The following RHPN2 variants were observed in gnomAD, a reference collection of about 807,000 sequenced individuals.
The protein encoded by RHPN2 is rhophilin Rho GTPase binding protein 2.
In RHPN2, 40 loss-of-function variants were observed where a neutral mutation model predicts 79.0. The observed-to-expected ratio is 0.51, with a 90% CI of 0.39 to 0.66. RHPN2 has a LOEUF of 0.66. Ranked by LOEUF, RHPN2 falls within the 30% of genes least tolerant of loss-of-function variation. The probability of loss-of-function intolerance (pLI) is 0.00; values close to 1 mark genes in which losing one functional copy is unlikely to be tolerated. For missense variants in RHPN2, 686 were observed against 883.5 expected, an observed-to-expected ratio of 0.78 and a Z score of 2.83; for synonymous variants, 285 against 363.5, an observed-to-expected ratio of 0.78 and a Z score of 2.46.
chr19:33,034,618 A>AAAAC (rs1306272766), intron 2 of RHPN2, among the ~76,000 whole-genome samples: 12 of 150,030 alleles, frequency 8.0e-5, no homozygotes, highest in South Asian at 2.1e-4. Flanking sequence ...AAAAAAAAAA[A>AAAAC]AAAAATACAA....
intron 2 of RHPN2, among the ~76,000 whole-genome samples, chr19:33,036,212 G>T (rs1261403127): frequency 1.3e-5 from 2 of 149,480 alleles, no homozygotes; most frequent in African/African-American, 4.9e-5. Flanking sequence ...TTGGTGACGG[G>T]AGTCTTGCTG....
At chr19:33,005,154 C>T (rs573160751) in intron 7 of RHPN2, among the ~76,000 whole-genome samples, 1 of 151,874 alleles carries the variant, frequency 6.6e-6, no homozygotes, top group Admixed American at 6.6e-5. Context: ...TGGCTCATGC[C>T]TCTAATCCCA....
At chr19:33,056,693 C>G (rs951891754) in intron 1 of RHPN2, among the ~76,000 whole-genome samples, 1 of 152,024 alleles carries the variant, frequency 6.6e-6, no homozygotes, top group Non-Finnish European at 1.5e-5. Flanking sequence ...AGAGCTGTAC[C>G]TCTGTTTAAA....
chr19:33,033,807 C>CG (rs1972031690), intron 2 of RHPN2, among the ~76,000 whole-genome samples: 1 of 151,726 alleles, frequency 6.6e-6, no homozygotes, highest in Admixed American at 6.6e-5. Flanking sequence ...GCACAGGTTG[C>CG]GGTGAGCCGA....
intron 14 of RHPN2, among the ~76,000 whole-genome samples, chr19:32,982,863 G>A (rs1448443207): frequency 9.2e-5 from 14 of 151,930 alleles, no homozygotes; most frequent in African/African-American, 1.9e-4. Flanking sequence ...ACTTCTGTGT[G>A]TCCCTAGTAA....
chr19:33,013,241 C>A (rs1971851448), intron 4 of RHPN2, among the ~76,000 whole-genome samples: 1 of 151,004 alleles, frequency 6.6e-6, no homozygotes. Flanking sequence ...GTTGCCCAGG[C>A]TAGAGTGCAA....
At chr19:33,044,402 C>A (rs770718676) in intron 1 of RHPN2, 38 bp from the exon 2 acceptor site, 1 of 1,386,986 alleles carries the variant, frequency 7.2e-7, no homozygotes, top group South Asian at 1.2e-5. Flanking sequence ...AGAGGTCGGC[C>A]ACTCTAAAAA....
At chr19:33,051,978 G>A (rs1459940716) in intron 1 of RHPN2, among the ~76,000 whole-genome samples, 3 of 139,834 alleles carry the variant, frequency 2.1e-5, no homozygotes, top group Admixed American at 7.3e-5. Flanking sequence ...GTGACAGAGT[G>A]AGACCCTGTC....
intron 2 of RHPN2, among the ~76,000 whole-genome samples, chr19:33,028,447 G>A (rs1971984878): frequency 6.6e-6 from 1 of 152,172 alleles, no homozygotes; most frequent in South Asian, 2.1e-4. Context: ...ATGAGCCACT[G>A]TGCCTGGCCA....
At position 33,002,723 on chromosome 19, in the gene RHPN2, G is replaced by A; in HGVS notation, c.948+90C>T. 6.4e-6 allele frequency: 9 copies of A among 1,401,306 alleles called. No individual in the cohort carries two copies. In the South Asian group the frequency reaches 1.1e-4, roughly 16 times the overall value. The allele number at this position is 1,401,306 out of a possible 1,614,324, so 86.8% of individuals were successfully genotyped here. A position where few individuals can be genotyped will look rare whatever the true frequency, so the allele number is the denominator to read the frequency against. On this transcript the variant is annotated intron_variant, in intron 8 of 14. Transcript: ENST00000254260. ...GGCACAATGCCCAGGTCACAGGCAA[G>A]CTCCCATGGGAAGGCCCCGCTACTT...
At chr19:33,059,105 AAT>A (rs1972258248) in intron 1 of RHPN2, among the ~76,000 whole-genome samples, 1 of 148,476 alleles carries the variant, frequency 6.7e-6, no homozygotes, top group Non-Finnish European at 1.5e-5. Context: ...AAAAAAAAAT[AAT>A]AATAATACAA....
At chr19:33,020,407 C>T (rs1971913676) in intron 4 of RHPN2, among the ~76,000 whole-genome samples, 1 of 150,650 alleles carries the variant, frequency 6.6e-6, no homozygotes, top group Non-Finnish European at 1.5e-5. Context: ...CTCACTGCAT[C>T]CTCTGCCTCC....
rs567061765 is a variant in RHPN2 at position 33,009,320 on chromosome 19, G to A, written c.594-1140C>T. Among the ~76,000 whole-genome samples, 12 of 152,280 alleles carry A rather than the reference G, an allele frequency of 7.9e-5. No homozygotes were observed. In the South Asian group the frequency reaches 2.5e-3, roughly 32 times the overall value. Reference sequence around the variant, plus strand: ...AAAAAAAAAAAATGGGCTGGGAGCGGTGGCTCATGCCAGTAATCCCAGCAC... The same window carrying A: ...AAAAAAAAAAAATGGGCTGGGAGCGATGGCTCATGCCAGTAATCCCAGCAC... On this transcript the variant is annotated intron_variant, in intron 6 of 14. Coordinates refer to ENST00000254260, the MANE Select transcript of RHPN2 (RefSeq NM_033103.5).
intron 1 of RHPN2, among the ~76,000 whole-genome samples, chr19:33,054,197 G>GTTT (rs34820019): frequency 1.8e-5 from 2 of 112,204 alleles, no homozygotes; most frequent in Admixed American, 1.0e-4. Context: ...TTTCTTCTTT[G>GTTT]TTTTTTTTTT....
At chr19:33,048,798 A>G (rs978013583) in intron 1 of RHPN2, among the ~76,000 whole-genome samples, 4 of 151,770 alleles carry the variant, frequency 2.6e-5, no homozygotes, top group African/African-American at 9.7e-5. Flanking sequence ...ATAACTGTTC[A>G]TCTCTTTCCT....
intron 1 of RHPN2, among the ~76,000 whole-genome samples, chr19:33,050,678 T>C (rs1048661033): frequency 1.3e-5 from 2 of 152,178 alleles, no homozygotes; most frequent in African/African-American, 4.8e-5. Context: ...CAGTAGTTTG[T>C]TCCTTTTTTT....
chr19:33,060,983 C>T (rs1409239375), intron 1 of RHPN2, among the ~76,000 whole-genome samples: 6 of 152,166 alleles, frequency 3.9e-5, no homozygotes, highest in African/African-American at 7.2e-5. Flanking sequence ...TCACCATTCA[C>T]GTGTCAAAGC....
chr19:33,023,979 G>C (rs961827759), intron 3 of RHPN2, among the ~76,000 whole-genome samples: 2 of 152,014 alleles, frequency 1.3e-5, no homozygotes, highest in African/African-American at 2.4e-5. Flanking sequence ...CCTGCTCTTC[G>C]GCATGGCAAA....
chr19:33,036,576 G>C (rs1415254490), intron 2 of RHPN2, among the ~76,000 whole-genome samples: 1 of 152,198 alleles, frequency 6.6e-6, no homozygotes, highest in African/African-American at 2.4e-5. Context: ...TGCACTGTGG[G>C]AGCCCCTTTC....
Sources: gnomAD v4.1 joint callset for allele counts (sites outside exome capture counted in the v4.1 genomes callset) on GRCh38, gnomAD v4.1.1 for gene constraint, MANE v1.5 for transcripts, NCBI Gene and HGNC (gene_info 2026-07-23, HGNC 2026-07-21) for gene names.